Variants in RPH3A observed in about 807,000 individuals in gnomAD.
The protein encoded by RPH3A is rabphilin-3A.
Under a neutral mutation model 102.2 loss-of-function variants are expected in RPH3A, and 48 were observed. The ratio of observed to expected loss-of-function variants is 0.47; its 90% CI spans 0.37 to 0.60. RPH3A has a LOEUF of 0.60. RPH3A is among the 20% of genes least tolerant of loss of function. The pLI, the probability that RPH3A is intolerant of heterozygous loss-of-function variation, is 0.00. For missense variants in RPH3A, 781 were observed against 910.1 expected (o/e 0.86, Z 1.83); for synonymous variants, 310 against 324.3 (o/e 0.96, Z 0.47).
chr12:112,797,609 G>A (rs1430457526), intron 2 of RPH3A, among the ~76,000 whole-genome samples: 1 of 152,020 alleles, frequency 6.6e-6, no homozygotes, highest in Non-Finnish European at 1.5e-5. Flanking sequence ...AGGTAGATTT[G>A]TGGCAAGGCC....
intron 4 of RPH3A, among the ~76,000 whole-genome samples, chr12:112,843,535 TG>T (rs1462818898): frequency 1.3e-5 from 2 of 152,194 alleles, no homozygotes; most frequent in African/African-American, 4.8e-5. Context: ...TGGAGCCATG[TG>T]CGTTCAGATG....
chr12:112,826,108 T>C (rs911590446), intron 2 of RPH3A, among the ~76,000 whole-genome samples: 6 of 152,042 alleles, frequency 3.9e-5, no homozygotes, highest in Non-Finnish European at 7.4e-5. Flanking sequence ...GACCCCGCTG[T>C]GGGAGCTGTT....
rs755886782 is a variant in RPH3A, at chr12:112,661,911, C to T, written c.-140+86592C>T. ...CAGTGCATTTTGGGTTGGTGGCCATCGCAGCTGCACCTGAGGTGCAGCTGT... is the reference window on the plus strand; with the variant it reads ...CAGTGCATTTTGGGTTGGTGGCCATTGCAGCTGCACCTGAGGTGCAGCTGT... On this transcript the variant is annotated intron_variant, in intron 1 of 21. Transcript: ENST00000543106. Among the ~76,000 whole-genome samples, 30 of 152,260 alleles carry T rather than the reference C, an allele frequency of 2.0e-4. 1 individual carries two copies. Among genetic ancestry groups the T allele is most frequent in the African/African-American group, 2.4e-4 (10 of 41,572 alleles).
intron 16 of RPH3A, among the ~76,000 whole-genome samples, chr12:112,883,792 TAC>T (rs2136251137): frequency 6.6e-6 from 1 of 152,346 alleles, no homozygotes; most frequent in African/African-American, 2.4e-5. Flanking sequence ...CACATTCTTC[TAC>T]AGTGTTGAAT....
chr12:112,670,272 T>C (rs1018287886), intron 1 of RPH3A, among the ~76,000 whole-genome samples: 8 of 152,168 alleles, frequency 5.3e-5, no homozygotes, highest in Non-Finnish European at 7.4e-5. Context: ...AACCTCTGTT[T>C]CCTGGGTTCA....
intron 1 of RPH3A, among the ~76,000 whole-genome samples, chr12:112,778,585 A>C (rs2040985003): frequency 6.6e-6 from 1 of 152,214 alleles, no homozygotes; most frequent in African/African-American, 2.4e-5. Flanking sequence ...TTTGTTTTAC[A>C]TTATGGAAAA....
At chr12:112,793,844 G>T (rs934167788) in intron 2 of RPH3A, among the ~76,000 whole-genome samples, 12 of 152,138 alleles carry the variant, frequency 7.9e-5, no homozygotes, top group African/African-American at 2.7e-4. Flanking sequence ...TCTTTTAATT[G>T]CTGGATTATG....
intron 11 of RPH3A, 38 bp from the exon 12 acceptor site, chr12:112,875,641 C>T: frequency 1.3e-6 from 2 of 1,563,438 alleles, no homozygotes; most frequent in Non-Finnish European, 1.8e-6. Context: ...ATGCCACCCT[C>T]TCTGCTGCAT....
Position 112,604,858 on chromosome 12 carries a change from T to C in RPH3A, c.-140+29539T>C, listed in dbSNP as rs576304633. Among the ~76,000 whole-genome samples, 132 of 152,284 alleles carry C rather than the reference T, an allele frequency of 8.7e-4. 1 individual carries two copies. Among genetic ancestry groups the C allele is most frequent in the African/African-American group, 3.0e-3 (126 of 41,566 alleles). ...TCGTGGATCTTTCCATAGCTCTGCT[T>C]AAGTGACCTCCCAACATGGCAGCTG... On this transcript the variant is annotated intron_variant, in intron 1 of 21. Coordinates refer to the RPH3A transcript ENST00000543106.
chr12:112,677,227 G>A (rs1197107954), intron 1 of RPH3A, among the ~76,000 whole-genome samples: 1 of 152,148 alleles, frequency 6.6e-6, no homozygotes, highest in African/African-American at 2.4e-5. Flanking sequence ...ACAGGACCCA[G>A]CTCTCATCAA....
At chr12:112,725,333 G>A (rs530629341) in intron 1 of RPH3A, among the ~76,000 whole-genome samples, 4 of 148,226 alleles carry the variant, frequency 2.7e-5, no homozygotes, top group Non-Finnish European at 5.9e-5. Context: ...CTTTCCCCAC[G>A]ACCTCATTGT....
intron 1 of RPH3A, among the ~76,000 whole-genome samples, chr12:112,685,758 C>T (rs2040258955): frequency 6.6e-6 from 1 of 152,180 alleles, no homozygotes; most frequent in African/African-American, 2.4e-5. Flanking sequence ...CCAGCAGCCA[C>T]AGTGACTTAT....
chr12:112,678,428 G>T, intron 1 of RPH3A, among the ~76,000 whole-genome samples: 1 of 151,760 alleles, frequency 6.6e-6, no homozygotes, highest in Non-Finnish European at 1.5e-5. Flanking sequence ...CAAGAGGAAA[G>T]GATATCTGAA....
chr12:112,724,885 T>A (rs1482863417), intron 1 of RPH3A, among the ~76,000 whole-genome samples: 1 of 145,230 alleles, frequency 6.9e-6, no homozygotes, highest in African/African-American at 2.6e-5. Context: ...AGGAGAATCG[T>A]CTGAACCTGG....
At chr12:112,780,474 T>G (rs1419958852) in intron 1 of RPH3A, among the ~76,000 whole-genome samples, 1 of 152,152 alleles carries the variant, frequency 6.6e-6, no homozygotes, top group Non-Finnish European at 1.5e-5. Context: ...CTGTATCCAT[T>G]CTCTCAAATC....
intron 1 of RPH3A, among the ~76,000 whole-genome samples, chr12:112,697,769 G>T (rs2040362582): frequency 6.6e-6 from 1 of 152,130 alleles, no homozygotes; most frequent in Admixed American, 6.5e-5. Context: ...GGAGGCTGAG[G>T]CATAAGAATC....
At chr12:112,629,242 G>A (rs181215580) in intron 1 of RPH3A, among the ~76,000 whole-genome samples, 1 of 152,242 alleles carries the variant, frequency 6.6e-6, no homozygotes, top group Non-Finnish European at 1.5e-5. Flanking sequence ...AGCTCAGATA[G>A]GGTATCGCCC....
chr12:112,735,468 T>C (rs1419597060), intron 1 of RPH3A, among the ~76,000 whole-genome samples: 2 of 152,220 alleles, frequency 1.3e-5, no homozygotes. Flanking sequence ...CTCTTCCAGA[T>C]AAAAATGTCT....
In RPH3A at chr12:112,897,078, T is replaced by TA; in HGVS notation, c.*301dup. 1 of 330,670 alleles carries TA rather than the reference T, an allele frequency of 3.0e-6. No homozygotes were observed. The highest frequency in any genetic ancestry group is 2.1e-5 in the African/African-American group (1 of 48,166). The allele number at this position is 330,670 out of a possible 1,614,324, so 20.5% of individuals were successfully genotyped here. ...TCATTTAATAACCTCTCAGTTTGGG[T>TA]AAATTACAAAGGTTCTTCATCATTT... On this transcript the variant is annotated 3_prime_UTR_variant, in exon 22 of 22. Coordinates refer to ENST00000389385, the MANE Select transcript of RPH3A (RefSeq NM_001143854.2).
Sources: gnomAD v4.1 joint callset for allele counts (sites outside exome capture counted in the v4.1 genomes callset) on GRCh38, gnomAD v4.1.1 for gene constraint, MANE v1.5 for transcripts, NCBI Gene and HGNC (gene_info 2026-07-23, HGNC 2026-07-21) for gene names.